The following LAMA2 variants were observed in gnomAD, a reference collection of about 807,000 sequenced individuals.
LAMA2 encodes the protein laminin subunit alpha 2.
A neutral mutation model predicts 364.8 loss-of-function variants in LAMA2; 269 were observed. The ratio of observed to expected loss-of-function variants is 0.74; its 90% CI spans 0.67 to 0.82. The LOEUF is 0.82. Ranked by LOEUF, LAMA2 falls within the 40% of genes least tolerant of loss-of-function variation. The pLI is 0.00. For missense variants in LAMA2, 3,807 were observed against 3,873.2 expected (o/e 0.98, Z 0.45); for synonymous variants, 1,379 against 1,370.6 (o/e 1.01, Z -0.14).
At chr6:129,150,479 T>C (rs1042239716) in intron 7 of LAMA2, among the ~76,000 whole-genome samples, 6 of 152,200 alleles carry the variant, frequency 3.9e-5, no homozygotes, top group Non-Finnish European at 8.8e-5. Context: ...ACAGTGATAA[T>C]TGTGTAATGT....
intron 1 of LAMA2, among the ~76,000 whole-genome samples, chr6:128,951,861 A>G (rs1780842677): frequency 2.0e-5 from 3 of 152,226 alleles, no homozygotes; most frequent in Non-Finnish European, 4.4e-5. Context: ...CCAAGCCTCA[A>G]CACTCGGCAT....
intron 56 of LAMA2, among the ~76,000 whole-genome samples, 168 bp from the exon 57 acceptor site, chr6:129,491,733 C>T (rs1186063741): frequency 2.0e-5 from 3 of 152,120 alleles, no homozygotes; most frequent in African/African-American, 2.4e-5. Context: ...AGTCATGGAA[C>T]GAGATCCTGA....
At chr6:129,168,429 C>T (rs1250739766) in intron 9 of LAMA2, among the ~76,000 whole-genome samples, 2 of 152,202 alleles carry the variant, frequency 1.3e-5, no homozygotes, top group Admixed American at 6.5e-5. Context: ...GGAATCCTTT[C>T]CCCATTGCTT....
rs902067003 is a variant in LAMA2, at chr6:129,485,631, T to A, written c.7750-843T>A. Among the ~76,000 whole-genome samples the A allele has an allele frequency of 4.6e-5, 7 of 152,336 alleles. No individual in the cohort carries two copies. In the East Asian group the frequency reaches 1.4e-3, roughly 29 times the overall value. On this transcript the variant is annotated intron_variant, in intron 55 of 64. Coordinates refer to ENST00000421865, the MANE Select transcript of LAMA2 (RefSeq NM_000426.4). The stretch of plus-strand genomic sequence containing the variant: ...AACCATCCATGAGCTAAGGAATTTT[T>A]AATTGAGTAGTTTGTGTTTTCCCTT...
chr6:129,130,472 T>C (rs1172768876), intron 4 of LAMA2, among the ~76,000 whole-genome samples: 1 of 152,246 alleles, frequency 6.6e-6, no homozygotes, highest in Non-Finnish European at 1.5e-5. Flanking sequence ...TGATATGGAA[T>C]GGCATCTCCT....
intron 4 of LAMA2, among the ~76,000 whole-genome samples, chr6:129,129,109 T>G (rs1777296552): frequency 6.6e-6 from 1 of 152,220 alleles, no homozygotes; most frequent in African/African-American, 2.4e-5. Flanking sequence ...TTGAATTTTA[T>G]ACTTCTACTC....
At chr6:129,435,823 A>T (rs964014891) in intron 41 of LAMA2, among the ~76,000 whole-genome samples, 2 of 152,120 alleles carry the variant, frequency 1.3e-5, no homozygotes, top group South Asian at 4.1e-4. Flanking sequence ...CCATCTATCC[A>T]CCTTTCCCTT....
intron 12 of LAMA2, among the ~76,000 whole-genome samples, chr6:129,221,162 C>A (rs1224563961): frequency 3.5e-4 from 49 of 139,516 alleles, no homozygotes; most frequent in East Asian, 4.2e-4. Flanking sequence ...GACTCCATCT[C>A]AAAAAAAAAA....
At chr6:129,370,386 T>G (rs1297008876) in intron 34 of LAMA2, among the ~76,000 whole-genome samples, 1 of 152,214 alleles carries the variant, frequency 6.6e-6, no homozygotes, top group Non-Finnish European at 1.5e-5. Context: ...AGTATAGAAA[T>G]ACAGTGTAAA....
intron 3 of LAMA2, among the ~76,000 whole-genome samples, chr6:129,095,203 C>T (rs986363643): frequency 5.9e-5 from 9 of 152,182 alleles, no homozygotes; most frequent in African/African-American, 2.2e-4. Flanking sequence ...CTAACCTTAT[C>T]CCCAAAGTTT....
chr6:129,444,053 G>C (rs1419810786), intron 44 of LAMA2, among the ~76,000 whole-genome samples: 1 of 152,072 alleles, frequency 6.6e-6, no homozygotes, highest in African/African-American at 2.4e-5. Flanking sequence ...TTAAGTGATT[G>C]TCAAGTTTCA....
At chr6:129,128,944 G>T (rs1345324748) in intron 4 of LAMA2, among the ~76,000 whole-genome samples, 1 of 151,808 alleles carries the variant, frequency 6.6e-6, no homozygotes, top group African/African-American at 2.4e-5. Flanking sequence ...AACTATCCTT[G>T]GCTGCCAGTT....
intron 29 of LAMA2, among the ~76,000 whole-genome samples, chr6:129,333,833 AT>A (rs1436705830): frequency 6.6e-6 from 1 of 152,166 alleles, no homozygotes; most frequent in African/African-American, 2.4e-5. Context: ...TTTAATTTCA[AT>A]TTTGTTAGGA....
intron 8 of LAMA2, among the ~76,000 whole-genome samples, chr6:129,161,378 G>A (rs1399887082): frequency 6.6e-6 from 1 of 152,014 alleles, no homozygotes; most frequent in Non-Finnish European, 1.5e-5. Flanking sequence ...TTAATAATAT[G>A]ATTGGGTTTT....
chr6:128,917,423 C>A (rs1778392797), intron 1 of LAMA2, among the ~76,000 whole-genome samples: 1 of 151,908 alleles, frequency 6.6e-6, no homozygotes, highest in South Asian at 2.1e-4. Context: ...CCTTTTTAAG[C>A]AACAAATGAA....
intron 29 of LAMA2, among the ~76,000 whole-genome samples, chr6:129,337,011 A>G (rs1013236235): frequency 6.6e-6 from 1 of 152,242 alleles, no homozygotes. Context: ...ATTTGAACTC[A>G]GGTAAGCTCA....
intron 61 of LAMA2, among the ~76,000 whole-genome samples, chr6:129,506,594 G>A (rs531236914): frequency 2.0e-5 from 3 of 152,120 alleles, no homozygotes; most frequent in East Asian, 1.9e-4. Flanking sequence ...ATTAGACCGT[G>A]TATCCTAGTT....
At chr6:129,438,579 C>T (rs1554297191) in intron 41 of LAMA2, 67 bp from the exon 42 acceptor site, 5 of 760,384 alleles carry the variant, frequency 6.6e-6, no homozygotes, top group South Asian at 4.7e-5. Context: ...CCTGAAATTG[C>T]ACATCCAAGT....
intron 1 of LAMA2, among the ~76,000 whole-genome samples, chr6:128,920,052 T>C (rs1464630067): frequency 6.6e-6 from 1 of 152,246 alleles, no homozygotes; most frequent in African/African-American, 2.4e-5. Flanking sequence ...TTATGGAATA[T>C]ATCACTGTCT....
Sources: gnomAD v4.1 joint callset for allele counts (sites outside exome capture counted in the v4.1 genomes callset) on GRCh38, gnomAD v4.1.1 for gene constraint, MANE v1.5 for transcripts, NCBI Gene and HGNC (gene_info 2026-07-23, HGNC 2026-07-21) for gene names.